SLC8A1: variants seen among roughly 807,000 people sequenced by gnomAD.
SLC8A1 encodes the protein sodium/calcium exchanger 1.
Under a neutral mutation model 68.3 loss-of-function variants are expected in SLC8A1, and 18 were observed. The observed-to-expected ratio is 0.26, with a 90% CI of 0.18 to 0.39. The LOEUF (loss-of-function observed/expected upper bound fraction) is 0.39. Among genes scored for constraint, SLC8A1 ranks in the 10% least tolerant of loss-of-function variants. SLC8A1 has a pLI of 1.00. For synonymous variants in SLC8A1, 475 were observed against 415.5 expected (o/e 1.14, Z -1.74); for missense variants, 985 against 1,156.7 (o/e 0.85, Z 2.15).
At chr2:40,161,303 TTTTG>T (rs1242922554) in intron 5 of SLC8A1, among the ~76,000 whole-genome samples, 2 of 152,184 alleles carry the variant, frequency 1.3e-5, no homozygotes, top group African/African-American at 2.4e-5. Flanking sequence ...TGCTATTGTA[TTTTG>T]TTTATCAATG....
At chr2:40,340,469 G>C (rs1367023745) in intron 2 of SLC8A1, among the ~76,000 whole-genome samples, 2 of 152,190 alleles carry the variant, frequency 1.3e-5, no homozygotes, top group Non-Finnish European at 2.9e-5. Context: ...GCTGAGGCAG[G>C]AGAATCACTT....
intron 2 of SLC8A1, among the ~76,000 whole-genome samples, chr2:40,294,873 C>G (rs1463246726): frequency 6.6e-6 from 1 of 152,076 alleles, no homozygotes; most frequent in Non-Finnish European, 1.5e-5. Context: ...TTAATATGGT[C>G]TATAGTCACA....
At chr2:40,177,323 A>C (rs978609122) in intron 3 of SLC8A1, among the ~76,000 whole-genome samples, 2 of 152,220 alleles carry the variant, frequency 1.3e-5, no homozygotes, top group African/African-American at 4.8e-5. Flanking sequence ...GTCATCTACT[A>C]ATACTAATAG....
intron 7 of SLC8A1, among the ~76,000 whole-genome samples, chr2:40,138,955 C>T (rs541751568): frequency 1.1e-3 from 164 of 152,292 alleles, no homozygotes; most frequent in African/African-American, 3.8e-3. Flanking sequence ...AATATTTTAT[C>T]AGGTCTCCAG....
intron 2 of SLC8A1, among the ~76,000 whole-genome samples, chr2:40,206,047 A>T (rs1243687458): frequency 6.6e-6 from 1 of 152,020 alleles, no homozygotes; most frequent in African/African-American, 2.4e-5. Context: ...GGAAAAAGTA[A>T]AGTTACAGAA....
At chr2:40,383,753 C>T (rs953434095) in intron 2 of SLC8A1, among the ~76,000 whole-genome samples, 1 of 151,992 alleles carries the variant, frequency 6.6e-6, no homozygotes, top group Non-Finnish European at 1.5e-5. Context: ...CACTATTTAA[C>T]AAAGGTACAG....
intron 2 of SLC8A1, among the ~76,000 whole-genome samples, chr2:40,355,188 C>A (rs915214276): frequency 3.9e-5 from 6 of 152,228 alleles, no homozygotes; most frequent in East Asian, 1.9e-4. Context: ...CAAAAGCAAT[C>A]AAGAGTCTGA....
chr2:40,396,763 A>C (rs1471851424), intron 2 of SLC8A1, among the ~76,000 whole-genome samples: 1 of 147,798 alleles, frequency 6.8e-6, no homozygotes, highest in Non-Finnish European at 1.5e-5. Flanking sequence ...AAAAAAAAAA[A>C]AAAAAAAAAA....
chr2:40,403,572 A>G (rs1415637740), intron 2 of SLC8A1, among the ~76,000 whole-genome samples: 1 of 152,244 alleles, frequency 6.6e-6, no homozygotes, highest in Non-Finnish European at 1.5e-5. Context: ...GAAACAGTCA[A>G]GTCATGGACC....
At chr2:40,343,287 T>G (rs1668277200) in intron 2 of SLC8A1, among the ~76,000 whole-genome samples, 1 of 152,258 alleles carries the variant, frequency 6.6e-6, no homozygotes, top group African/African-American at 2.4e-5. Flanking sequence ...CCACCTCGTC[T>G]TTTCTTGCCC....
Position 40,442,514 on chromosome 2 carries a change from C to A in SLC8A1, c.-25+9390G>T, listed in dbSNP as rs184431701. On this transcript the variant is annotated intron_variant, in intron 1 of 7. Transcript: ENST00000406785. ...AAACATATCAAGAAAAGCTCATCAT[C>A]ACTGATCATTAGAGAAATGCAAATC... Among the ~76,000 whole-genome samples the A allele has an allele frequency of 1.1e-3, 161 of 152,018 alleles. 1 individual carries two copies. The highest frequency in any genetic ancestry group is 4.6e-4 in the Non-Finnish European group (31 of 67,976).
At chr2:40,201,782 C>T (rs1221486340) in intron 2 of SLC8A1, among the ~76,000 whole-genome samples, 1 of 151,910 alleles carries the variant, frequency 6.6e-6, no homozygotes, top group Non-Finnish European at 1.5e-5. Flanking sequence ...GGTCCCCAAA[C>T]TTACCATCAA....
chr2:40,218,056 G>C (rs1453522462), intron 2 of SLC8A1, among the ~76,000 whole-genome samples: 1 of 152,028 alleles, frequency 6.6e-6, no homozygotes. Context: ...AAGAGACACA[G>C]CCTTCAGAGT....
intron 7 of SLC8A1, among the ~76,000 whole-genome samples, chr2:40,124,829 C>T (rs2037715498): frequency 6.6e-6 from 1 of 152,144 alleles, no homozygotes; most frequent in African/African-American, 2.4e-5. Flanking sequence ...CTAAGAAAAA[C>T]ATTCATGACA....
At chr2:40,488,628 A>AG (rs1358081556) in intron 1 of SLC8A1, among the ~76,000 whole-genome samples, 1 of 152,104 alleles carries the variant, frequency 6.6e-6, no homozygotes, top group African/African-American at 2.4e-5. Flanking sequence ...GGGGAGAAAA[A>AG]GAAAAACAGA....
In SLC8A1 at chr2:40,130,675, C is replaced by T. The variant is rs35171764; in HGVS notation, c.2437+8726G>A. 2.0e-3 allele frequency among the ~76,000 whole-genome samples: 305 copies of T among 152,328 alleles called. 1 individual carries two copies. The highest frequency in any genetic ancestry group is 3.7e-3 in the Non-Finnish European group (253 of 68,034). On this transcript the variant is annotated intron_variant, in intron 7 of 7. Coordinates refer to ENST00000406785, the Ensembl canonical transcript of SLC8A1. ...AGTAGCCTCTTGGGGAAACTGACAC[C>T]ATAGCCACTGGGAAATACTGGCTTA...
upstream of SLC8A1, among the ~76,000 whole-genome samples, chr2:40,456,126 C>A (rs1163989992): frequency 6.6e-6 from 1 of 152,064 alleles, no homozygotes; most frequent in East Asian, 1.9e-4. Context: ...ACCATCCTGG[C>A]TAACATGGTG....
At chr2:40,346,722 T>C (rs1010061366) in intron 2 of SLC8A1, among the ~76,000 whole-genome samples, 7 of 152,116 alleles carry the variant, frequency 4.6e-5, no homozygotes, top group Non-Finnish European at 1.0e-4. Flanking sequence ...TATGGCTAAA[T>C]TGTTTTGTCT....
At chr2:40,156,822 T>C (rs1206279377) in intron 6 of SLC8A1, among the ~76,000 whole-genome samples, 1 of 152,192 alleles carries the variant, frequency 6.6e-6, no homozygotes, top group Non-Finnish European at 1.5e-5. Context: ...ATACCTGATT[T>C]GTATGTGTGT....
Sources: allele counts gnomAD v4.1 joint callset (sites outside exome capture counted in the v4.1 genomes callset), GRCh38; gene constraint gnomAD v4.1.1; transcripts MANE v1.5; gene names NCBI Gene and HGNC (gene_info 2026-07-23, HGNC 2026-07-21).